OR51M1: variants seen among roughly 807,000 people sequenced by gnomAD.
OR51M1 encodes the protein olfactory receptor 51M1.
For missense variants in OR51M1, 509 were observed against 404.4 expected, an observed-to-expected ratio of 1.26 and a Z score of -2.22; for synonymous variants, 199 against 155.1, an observed-to-expected ratio of 1.28 and a Z score of -2.10.
chr11:5,390,045 T>C lies in OR51M1; in HGVS notation c.647T>C (p.Val216Ala). Residue 216 changes from valine to alanine, a missense_variant, in exon 3 of 3, where the codon GTT becomes GCT. Physicochemically the swap from Val to Ala is moderately conservative, Grantham distance 64. Transcript: ENST00000642046. ...AATCTGTATGGACTGATGGTGGTAGTTTTCACTGTGATGCTGGACCTGGTG... is the reference window on the plus strand; with the variant it reads ...AATCTGTATGGACTGATGGTGGTAGCTTTCACTGTGATGCTGGACCTGGTG... ...FNNLYGLMVV[V>A]FTVMLDLVLI... 6.2e-7 allele frequency: 1 copy of C among 1,613,634 alleles called. No individual in the cohort carries two copies. The highest frequency in any genetic ancestry group is 1.6e-4 in the Middle Eastern group (1 of 6,062).
In OR51M1 at chr11:5,389,651, C is replaced by T. The variant is rs767276053; in HGVS notation, c.253C>T (p.Leu85=). The T allele has an allele frequency of 2.5e-6, 4 of 1,613,638 alleles. No homozygotes were observed. The highest frequency in any genetic ancestry group is 1.7e-5 in the Admixed American group (1 of 60,024). ...LSLLALTDLG[L]CVSTLPTTMG... is the part of the protein sequence containing the mutation. The stretch of plus-strand genomic sequence containing the variant: ...CTTGCTGGCCCTCACTGACCTGGGG[C>T]TGTGTGTGTCCACGTTGCCCACCAC... The change falls in exon 3 of 3, where the codon CTG becomes TTG. Residue 85 remains leucine (L), a synonymous_variant. Coordinates refer to ENST00000642046, the MANE Select transcript of OR51M1 (RefSeq NM_001004756.3).
intron 1 of OR51M1, 84 bp from the exon 2 acceptor site, chr11:5,385,269 G>A (rs1452373953): frequency 6.6e-6 from 1 of 152,132 alleles, no homozygotes; most frequent in Non-Finnish European, 1.5e-5. Context: ...CTCTTGCTAG[G>A]AGAAATCCCC....
chr11:5,389,678 A>G lies in OR51M1; in HGVS notation c.280A>G (p.Met94Val). 6.2e-7 allele frequency: 1 copy of G among 1,613,594 alleles called. No individual in the cohort carries two copies. The highest frequency in any genetic ancestry group is 8.5e-7 in the Non-Finnish European group (1 of 1,179,836). Residue 94 changes from methionine (M) to valine (V), a missense_variant, in exon 3 of 3, where the codon ATG becomes GTG. Met to Val is a conservative substitution (Grantham distance 21, BLOSUM62 1). Transcript: ENST00000642046. ...GTGTGTGTCCACGTTGCCCACCACT[A>G]TGGGGATCTTCTGGTTTAACTCCCA... ...GLCVSTLPTTMGIFWFNSHSI... is the reference protein window; with the variant it reads ...GLCVSTLPTTVGIFWFNSHSI...
In OR51M1 at chr11:5,389,615, T is replaced by C. The variant is rs1265898184; in HGVS notation, c.217T>C (p.Tyr73His). 2 of 1,613,726 alleles carry C rather than the reference T, an allele frequency of 1.2e-6. No homozygotes were observed. The highest frequency in any genetic ancestry group is 2.7e-5 in the African/African-American group (2 of 74,938). The change falls in exon 3 of 3, where the codon TAT (tyrosine) becomes CAT (histidine). Residue 73 changes from tyrosine (Y) to histidine (H), a missense_variant. Coordinates refer to ENST00000642046, the MANE Select transcript of OR51M1 (RefSeq NM_001004756.3). ...CCCTCGTCTGCACACACCCATGTAC[T>C]ATCTACTATCCTTGCTGGCCCTCAC... ...TNPRLHTPMY[Y>H]LLSLLALTDL... is the part of the protein sequence containing the mutation.
intron 2 of OR51M1, among the ~76,000 whole-genome samples, chr11:5,387,944 T>C (rs1849725586): frequency 6.6e-6 from 1 of 152,198 alleles, no homozygotes; most frequent in Non-Finnish European, 1.5e-5. Context: ...TTTCTGTTCA[T>C]TGTATTTTCA....
rs1172972876 is a variant in OR51M1, at chr11:5,392,354, C to A, written c.*1975C>A. ...CAGTTCCGAGACTTAGAATATTCTT[C>A]TCCATGTTGAGAGGAAATTCCTATT... On this transcript the variant is annotated 3_prime_UTR_variant, in exon 3 of 3. Coordinates refer to ENST00000642046, the MANE Select transcript of OR51M1 (RefSeq NM_001004756.3). The A allele has an allele frequency of 3.3e-5, 5 of 152,164 alleles. No homozygotes were observed. The highest frequency in any genetic ancestry group is 6.5e-5 in the Admixed American group (1 of 15,278). The allele number at this position is 152,164 out of a possible 1,614,324, so 9.4% of individuals were successfully genotyped here. A position where few individuals can be genotyped will look rare whatever the true frequency, so the allele number is the denominator to read the frequency against.
Position 5,393,199 on chromosome 11 carries a change from T to C in OR51M1, c.*2820T>C, listed in dbSNP as rs938109798. The C allele has an allele frequency of 1.3e-5, 2 of 152,220 alleles. No homozygotes were observed. The highest frequency in any genetic ancestry group is 4.8e-5 in the African/African-American group (2 of 41,470). 9.4% of individuals were successfully genotyped at this position (152,220 alleles called of 1,614,324 possible). On this transcript the variant is annotated 3_prime_UTR_variant, in exon 3 of 3. Coordinates refer to ENST00000642046, the MANE Select transcript of OR51M1 (RefSeq NM_001004756.3). ...ATCCATCTCCTAGGTCAGTGATCAA[T>C]AAATATGTGTTGAACTATTTAATAA...
chr11:5,386,738 G>T (rs577777539), intron 2 of OR51M1, among the ~76,000 whole-genome samples: 2 of 151,994 alleles, frequency 1.3e-5, no homozygotes, highest in African/African-American at 4.8e-5. Flanking sequence ...TAAGAACAAG[G>T]ACATTGGCTA....
Position 5,389,865 on chromosome 11 carries a change from C to A in OR51M1, c.467C>A (p.Ala156Glu). ...VIITGQQVVR[A>E]GLIVIFRGPV... ...ATCACTGGCCAGCAAGTGGTCAGAG[C>A]AGGCCTAATTGTCATCTTCCGGGGA... Residue 156 changes from alanine to glutamate, a missense_variant, in exon 3 of 3, where the codon GCA becomes GAA. Ala to Glu is a moderately radical substitution (Grantham distance 107). Transcript: ENST00000642046. 4 of 1,613,676 alleles carry A rather than the reference C, an allele frequency of 2.5e-6. No individual in the cohort carries two copies. The highest frequency in any genetic ancestry group is 3.4e-6 in the Non-Finnish European group (4 of 1,179,892).
At position 5,390,073 on chromosome 11, in the gene OR51M1, C is replaced by G; in HGVS notation, c.675C>G (p.Leu225=). The G allele has an allele frequency of 6.2e-7, 1 of 1,613,718 alleles. No individual in the cohort carries two copies. Among genetic ancestry groups the G allele is most frequent in the Non-Finnish European group, 8.5e-7 (1 of 1,179,886 alleles). The change falls in exon 3 of 3, where the codon CTC becomes CTG. Residue 225 remains leucine (L), a synonymous_variant. Coordinates refer to ENST00000642046, the MANE Select transcript of OR51M1 (RefSeq NM_001004756.3). The part of the protein sequence containing the change: ...VVFTVMLDLV[L]IALSYGLILH... Reference sequence around the variant, plus strand: ...TCACTGTGATGCTGGACCTGGTGCTCATCGCACTGTCCTATGGACTCATCC... The same window carrying G: ...TCACTGTGATGCTGGACCTGGTGCTGATCGCACTGTCCTATGGACTCATCC...
intron 2 of OR51M1, among the ~76,000 whole-genome samples, chr11:5,388,905 G>A (rs1849745363): frequency 6.6e-6 from 1 of 152,120 alleles, no homozygotes; most frequent in East Asian, 1.9e-4. Context: ...ATGGAGAGAT[G>A]TGATATGGAG....
rs749417670 is a variant in OR51M1 at position 5,390,237 on chromosome 11, C to T, written c.839C>T (p.Ala280Val). ...CTGGTGCACCGTTTTGGGAAGCATG[C>T]CCCACCTGCTATTCATCTTCTTATG... ...LSLVHRFGKH[A>V]PPAIHLLMAN... is the part of the protein sequence containing the mutation. Residue 280 changes from alanine (A) to valine (V), a missense_variant, in exon 3 of 3, where the codon GCC becomes GTC. Coordinates refer to ENST00000642046, the MANE Select transcript of OR51M1 (RefSeq NM_001004756.3). The T allele has an allele frequency of 4.3e-6, 7 of 1,613,998 alleles. 1 individual carries two copies. The South Asian group carries it at 5.5e-5, about 13-fold the overall frequency.
In OR51M1 at chr11:5,390,370, C is replaced by T. The variant is rs748796717; in HGVS notation, c.972C>T (p.Ala324=). ...TCAAGTTCCTAGGTCTTAAAAAGGC[C>T]AGTAAATGAGTCCTGGGGCTAAAAC... ...AIIKFLGLKK[A]SK Residue 324 remains alanine (A), a synonymous_variant, in exon 3 of 3, where the codon GCC becomes GCT. Coordinates refer to ENST00000642046, the MANE Select transcript of OR51M1 (RefSeq NM_001004756.3). 6.6e-5 allele frequency: 106 copies of T among 1,594,764 alleles called. No individual in the cohort carries two copies. Among genetic ancestry groups the T allele is most frequent in the Non-Finnish European group, 9.0e-5 (105 of 1,169,248 alleles).
rs988297947 is a variant in OR51M1 at position 5,391,086 on chromosome 11, A to C, written c.*707A>C. On this transcript the variant is annotated 3_prime_UTR_variant, in exon 3 of 3. Coordinates refer to ENST00000642046, the MANE Select transcript of OR51M1 (RefSeq NM_001004756.3). The stretch of plus-strand genomic sequence containing the variant: ...GTCAGTATTTACTTGTAGGTGTTTT[A>C]GTTGTGTGATATTGAACAATGACAT... 5.3e-5 allele frequency: 8 copies of C among 152,232 alleles called. No individual in the cohort carries two copies. Among genetic ancestry groups the C allele is most frequent in the African/African-American group, 1.9e-4 (8 of 41,448 alleles). 9.4% of individuals were successfully genotyped at this position (152,232 alleles called of 1,614,324 possible).
At chr11:5,386,128 G>C (rs895721837) in intron 2 of OR51M1, among the ~76,000 whole-genome samples, 1 of 152,036 alleles carries the variant, frequency 6.6e-6, no homozygotes, top group Non-Finnish European at 1.5e-5. Context: ...TAAAGGATCC[G>C]CAAGTGTTTA....
intron 2 of OR51M1, among the ~76,000 whole-genome samples, chr11:5,387,544 T>C (rs1849716783): frequency 6.6e-6 from 1 of 151,930 alleles, no homozygotes; most frequent in Non-Finnish European, 1.5e-5. Flanking sequence ...TATAATAAAA[T>C]TCAAAGTAGC....
At chr11:5,383,969 G>A (rs1849647839) in intron 1 of OR51M1, 52 bp downstream of exon 1, 1 of 152,132 alleles carries the variant, frequency 6.6e-6, no homozygotes, top group South Asian at 2.1e-4. Flanking sequence ...GTAATTAGGG[G>A]GACATGGGAG....
In OR51M1 at chr11:5,389,591, C is replaced by A. The variant is rs763927513; in HGVS notation, c.193C>A (p.Pro65Thr). Residue 65 changes from proline to threonine, a missense_variant, in exon 3 of 3, where the codon CCT becomes ACT. Coordinates refer to ENST00000642046, the MANE Select transcript of OR51M1 (RefSeq NM_001004756.3). ...CATTCTGATCATTATTAAGACCAAC[C>A]CTCGTCTGCACACACCCATGTACTA... is the stretch of plus-strand genomic sequence containing the variant. ...CFILIIIKTN[P>T]RLHTPMYYLL... is the part of the protein sequence containing the mutation. 3 of 1,613,686 alleles carry A rather than the reference C, an allele frequency of 1.9e-6. No homozygotes were observed. The highest frequency in any genetic ancestry group is 3.3e-5 in the Admixed American group (2 of 59,996).
chr11:5,386,691 G>T (rs1419093577), intron 2 of OR51M1, among the ~76,000 whole-genome samples: 4 of 152,066 alleles, frequency 2.6e-5, no homozygotes, highest in Non-Finnish European at 5.9e-5. Context: ...GGCTTTGCAT[G>T]TTGAATGACA....
Sources: allele counts gnomAD v4.1 joint callset (sites outside exome capture counted in the v4.1 genomes callset), GRCh38; gene constraint gnomAD v4.1.1; transcripts MANE v1.5; gene names NCBI Gene and HGNC (gene_info 2026-07-23, HGNC 2026-07-21).